The following KMT5B variants were observed in gnomAD, a reference collection of about 807,000 sequenced individuals.
KMT5B encodes lysine methyltransferase 5B.
In KMT5B, 10 loss-of-function variants were observed where a neutral mutation model predicts 83.2. The observed-to-expected ratio is 0.12, with a 90% CI of 0.07 to 0.20. The LOEUF (loss-of-function observed/expected upper bound fraction) is 0.20, where lower values mean the gene tolerates loss of function less well. Ranked by LOEUF, KMT5B falls within the 10% of genes least tolerant of loss-of-function variation. KMT5B has a pLI of 1.00. For missense variants in KMT5B, 753 were observed against 1,067.2 expected, an observed-to-expected ratio of 0.71 and a Z score of 4.10; for synonymous variants, 349 against 388.8, an observed-to-expected ratio of 0.90 and a Z score of 1.20.
Position 68,171,536 on chromosome 11 carries a change from A to G in KMT5B, c.820+7T>C, listed in dbSNP as rs1402714791. ...ACTAGCGCCAACACCTTGGAAACAC[A>G]GCTTACCATGGTTTATAAACGCAGC... On this transcript the variant is annotated splice_region_variant and intron_variant, in intron 7 of 10. Coordinates refer to ENST00000304363, the MANE Select transcript of KMT5B (RefSeq NM_017635.5). This position sits in a 1 kb window ranked among gnomAD's most constrained non-coding sequence, Gnocchi z 5.1. 5 of 1,611,684 alleles carry G rather than the reference A, an allele frequency of 3.1e-6. No individual in the cohort carries two copies. In the South Asian group the frequency reaches 4.4e-5, roughly 14 times the overall value.
intron 1 of KMT5B, among the ~76,000 whole-genome samples, chr11:68,207,310 G>A (rs1337014241): frequency 2.0e-5 from 3 of 152,028 alleles, no homozygotes; most frequent in Admixed American, 2.0e-4. Flanking sequence ...ACACAGTTTA[G>A]TTTGTGGTGT....
chr11:68,158,405 A>G lies in KMT5B; in HGVS notation c.1941T>C (p.Gly647=). Residue 647 remains glycine, a synonymous_variant, in exon 11 of 11, where the codon GGT becomes GGC. Coordinates refer to ENST00000304363, the MANE Select transcript of KMT5B (RefSeq NM_017635.5). ...GKDDAVPDLM[G]PHSDQGEHSG... The stretch of plus-strand genomic sequence containing the variant: ...TGTGCTCACCCTGGTCAGAATGGGG[A>G]CCCATCAAATCTGGTACCGCGTCGT... The G allele has an allele frequency of 6.2e-7, 1 of 1,614,058 alleles. No individual in the cohort carries two copies. Among genetic ancestry groups the G allele is most frequent in the Admixed American group, 1.7e-5 (1 of 60,006 alleles).
chr11:68,185,488 G>A (rs759699977), intron 3 of KMT5B, among the ~76,000 whole-genome samples: 2 of 152,180 alleles, frequency 1.3e-5, no homozygotes, highest in African/African-American at 2.4e-5. Context: ...GATTACAGGC[G>A]TGAGCCACCA....
In KMT5B at chr11:68,158,340, G is replaced by T. The variant is rs377489614; in HGVS notation, c.2006C>A (p.Ala669Asp). Residue 669 changes from alanine to aspartate, a missense_variant, in exon 11 of 11, where the codon GCT (alanine) becomes GAT (aspartate). Coordinates refer to ENST00000304363, the MANE Select transcript of KMT5B (RefSeq NM_017635.5). The part of the protein sequence containing the change: ...VGVPVSYTDC[A>D]PSPVGCSVVT... ...AACTGAACAACCGACGGGTGAAGGAGCACAGTCTGTGTAGCTCACAGGCAC... is the reference window on the plus strand; with the variant it reads ...AACTGAACAACCGACGGGTGAAGGATCACAGTCTGTGTAGCTCACAGGCAC... 5.8e-5 allele frequency: 93 copies of T among 1,614,070 alleles called. No homozygotes were observed. Among genetic ancestry groups the T allele is most frequent in the Middle Eastern group, 3.3e-4 (2 of 6,084 alleles).
chr11:68,157,011 A>C lies in KMT5B; in HGVS notation c.*677T>G, dbSNP rs1411452412. On this transcript the variant is annotated 3_prime_UTR_variant, in exon 11 of 11. Coordinates refer to ENST00000304363, the MANE Select transcript of KMT5B (RefSeq NM_017635.5). ...TTTTTAATTTACATGACAAGCAATA[A>C]ATACGCTGTATCGAACCTCATCCCA... The C allele has an allele frequency of 6.6e-6, 1 of 152,234 alleles. No homozygotes were observed. Among genetic ancestry groups the C allele is most frequent in the Non-Finnish European group, 1.5e-5 (1 of 68,034 alleles). 9.4% of individuals were successfully genotyped at this position (152,234 alleles called of 1,614,324 possible).
chr11:68,180,805 C>T (rs1377910327), intron 3 of KMT5B, among the ~76,000 whole-genome samples: 6 of 152,154 alleles, frequency 3.9e-5, no homozygotes, highest in South Asian at 2.1e-4. Flanking sequence ...CCCGCTCCCA[C>T]TCCATTTAAA....
rs145415731 is a variant in KMT5B, at chr11:68,179,702, A to C, written c.377+430T>G. The stretch of plus-strand genomic sequence containing the variant: ...AGAGAGAAAAATGCTCAAATATTTA[A>C]GATATAAAATAAAACCATGAGGCAA... On this transcript the variant is annotated intron_variant, in intron 4 of 10. Transcript: ENST00000304363. 9.1e-5 allele frequency: 97 copies of C among 1,063,106 alleles called. 2 individuals carry two copies. The East Asian group carries it at 4.8e-3, about 53-fold the overall frequency. 65.9% of individuals were successfully genotyped at this position (1,063,106 alleles called of 1,614,324 possible).
intron 1 of KMT5B, among the ~76,000 whole-genome samples, chr11:68,193,756 A>G (rs956910590): frequency 2.6e-5 from 4 of 151,806 alleles, no homozygotes; most frequent in Non-Finnish European, 4.4e-5. Flanking sequence ...ATGATCATAT[A>G]TCTTACACTT....
Position 68,171,094 on chromosome 11 carries a change from C to T in KMT5B, c.898G>A (p.Gly300Arg). 6.2e-7 allele frequency: 1 copy of T among 1,608,558 alleles called. No homozygotes were observed. Among genetic ancestry groups the T allele is most frequent in the Non-Finnish European group, 8.5e-7 (1 of 1,178,906 alleles). ...CCATAATAACAAGAAATTTCTTCTC[C>T]AGGTTCAATGTCTCTTAGAGCCTTC... Reference protein sequence around the residue: ...CVKALRDIEPGEEISCYYGDG... With the variant: ...CVKALRDIEPREEISCYYGDG... Residue 300 changes from glycine (G) to arginine (R), a missense_variant, in exon 9 of 11, where the codon GGA (glycine) becomes AGA (arginine). Gly to Arg is a moderately radical substitution (Grantham distance 125). Transcript: ENST00000304363. The surrounding 1 kb of genome is among the most constrained non-coding windows in gnomAD (Gnocchi z 5.1).
rs891746033 is a variant in KMT5B, at chr11:68,155,675, G to A, written c.*2013C>T. 1.3e-5 allele frequency: 2 copies of A among 152,238 alleles called. No homozygotes were observed. The highest frequency in any genetic ancestry group is 2.9e-5 in the Non-Finnish European group (2 of 68,038). The allele number at this position is 152,238 out of a possible 1,614,324, so 9.4% of individuals were successfully genotyped here. A position where few individuals can be genotyped will look rare whatever the true frequency, so the allele number is the denominator to read the frequency against. On this transcript the variant is annotated 3_prime_UTR_variant, in exon 11 of 11. Coordinates refer to ENST00000304363, the MANE Select transcript of KMT5B (RefSeq NM_017635.5). Reference sequence around the variant, plus strand: ...ACCTTCATCTTCCTCAGTGGCAGGGGTTCACATTTCTATGCAGGGACCCCA... The same window carrying A: ...ACCTTCATCTTCCTCAGTGGCAGGGATTCACATTTCTATGCAGGGACCCCA...
chr11:68,181,892 G>A (rs774778819), intron 3 of KMT5B, among the ~76,000 whole-genome samples: 1 of 152,176 alleles, frequency 6.6e-6, no homozygotes, highest in Non-Finnish European at 1.5e-5. Flanking sequence ...TAGGCAGGCC[G>A]TCCCCTGCAC....
intron 1 of KMT5B, among the ~76,000 whole-genome samples, chr11:68,204,909 G>A (rs894354977): frequency 2.6e-5 from 4 of 151,988 alleles, no homozygotes; most frequent in African/African-American, 4.8e-5. Flanking sequence ...GAGCCACCGT[G>A]CCCAGCCCAT....
chr11:68,168,751 C>A (rs77715479), intron 9 of KMT5B, among the ~76,000 whole-genome samples: 2 of 152,182 alleles, frequency 1.3e-5, no homozygotes, highest in Non-Finnish European at 2.9e-5. Context: ...GAGTGTCTAG[C>A]GCGACTCAGT....
chr11:68,212,233 C>G (rs1861005794), intron 1 of KMT5B, among the ~76,000 whole-genome samples: 1 of 152,186 alleles, frequency 6.6e-6, no homozygotes, highest in Non-Finnish European at 1.5e-5. Flanking sequence ...TTATATCAAA[C>G]TGGTTTAAAT....
chr11:68,173,743 A>C, intron 6 of KMT5B, 61 bp downstream of exon 6: 1 of 1,152,340 alleles, frequency 8.7e-7, no homozygotes. Flanking sequence ...TCAGCACTTC[A>C]ACAATAATTT....
At chr11:68,207,272 C>T (rs1002780204) in intron 1 of KMT5B, among the ~76,000 whole-genome samples, 2 of 151,922 alleles carry the variant, frequency 1.3e-5, no homozygotes, top group African/African-American at 4.8e-5. Context: ...TCAGAGGGAC[C>T]ACAGACTGGA....
intron 1 of KMT5B, among the ~76,000 whole-genome samples, chr11:68,201,127 AG>A (rs1198782152): frequency 6.6e-6 from 1 of 152,254 alleles, no homozygotes; most frequent in Non-Finnish European, 1.5e-5. Flanking sequence ...TTGTATTTAA[AG>A]CGGAAACTCC....
chr11:68,157,262 A>G lies in KMT5B; in HGVS notation c.*426T>C, dbSNP rs1565211437. 1 of 153,948 alleles carries G rather than the reference A, an allele frequency of 6.5e-6. No individual in the cohort carries two copies. Among genetic ancestry groups the G allele is most frequent in the Non-Finnish European group, 1.4e-5 (1 of 69,048 alleles). 9.5% of individuals were successfully genotyped at this position (153,948 alleles called of 1,614,324 possible). A position where few individuals can be genotyped will look rare whatever the true frequency, so the allele number is the denominator to read the frequency against. Reference sequence around the variant, plus strand: ...AAAGCCAAAGATCATTGCTGGTGATATTAGCATACTAGAAACCCTTAATAT... The same window carrying G: ...AAAGCCAAAGATCATTGCTGGTGATGTTAGCATACTAGAAACCCTTAATAT... On this transcript the variant is annotated 3_prime_UTR_variant, in exon 11 of 11. Coordinates refer to ENST00000304363, the MANE Select transcript of KMT5B (RefSeq NM_017635.5).
chr11:68,180,423 T>C (rs1856811702), intron 3 of KMT5B, among the ~76,000 whole-genome samples: 1 of 152,214 alleles, frequency 6.6e-6, no homozygotes, highest in Non-Finnish European at 1.5e-5. Context: ...GTTAGAAGCT[T>C]TGAAAACATT....
Sources: gnomAD v4.1 joint callset for allele counts (sites outside exome capture counted in the v4.1 genomes callset) on GRCh38, gnomAD v4.1.1 for gene constraint, Gnocchi (gnomAD v3.1) non-coding constraint, MANE v1.5 for transcripts, NCBI Gene and HGNC (gene_info 2026-07-23, HGNC 2026-07-21) for gene names.